Variants in PAWR observed in about 807,000 individuals in gnomAD.
The protein encoded by PAWR is PRKC apoptosis WT1 regulator protein.
In PAWR, 23 loss-of-function variants were observed where a neutral mutation model predicts 32.0. The ratio of observed to expected loss-of-function variants is 0.72; its 90% CI spans 0.52 to 1.02. The LOEUF is 1.02. PAWR is among the 50% of genes least tolerant of loss of function. PAWR has a pLI of 0.00. For missense variants in PAWR, 457 were observed against 437.7 expected (o/e 1.04, Z -0.39); for synonymous variants, 226 against 187.1 (o/e 1.21, Z -1.70).
At chr12:79,639,882 A>ATTCCTATTCCTATTCCT (rs1566014414) in intron 2 of PAWR, among the ~76,000 whole-genome samples, 1 of 42,934 alleles carries the variant, frequency 2.3e-5, no homozygotes, top group African/African-American at 2.1e-4. Flanking sequence ...TCCTATTCCT[A>ATTCCTATTCCTATTCCT]TTCCATTCCA....
intron 2 of PAWR, among the ~76,000 whole-genome samples, chr12:79,625,328 A>C (rs1875234727): frequency 6.6e-6 from 1 of 152,140 alleles, no homozygotes; most frequent in Non-Finnish European, 1.5e-5. Flanking sequence ...GAGAGAAATG[A>C]GGGGGAAAAA....
intron 2 of PAWR, among the ~76,000 whole-genome samples, chr12:79,679,712 T>C (rs901345966): frequency 2.0e-5 from 3 of 152,202 alleles, no homozygotes; most frequent in Non-Finnish European, 4.4e-5. Context: ...GAGGTTGAAA[T>C]GCAACTTAAG....
At chr12:79,647,883 A>T (rs1272421583) in intron 2 of PAWR, among the ~76,000 whole-genome samples, 2 of 152,188 alleles carry the variant, frequency 1.3e-5, no homozygotes, top group African/African-American at 2.4e-5. Flanking sequence ...GGTGCTATGG[A>T]ACACAAGACA....
chr12:79,607,306 A>T (rs899846005), intron 4 of PAWR, among the ~76,000 whole-genome samples: 7 of 152,084 alleles, frequency 4.6e-5, no homozygotes, highest in Admixed American at 2.6e-4. Flanking sequence ...AAAGAAAGAA[A>T]GAATAGATCT....
At chr12:79,648,631 A>AC (rs1876692601) in intron 2 of PAWR, among the ~76,000 whole-genome samples, 1 of 151,140 alleles carries the variant, frequency 6.6e-6, no homozygotes, top group Non-Finnish European at 1.5e-5. Context: ...AAAAAAAAAA[A>AC]AAAAAAAATT....
chr12:79,593,764 G>A (rs1289915938), intron 6 of PAWR, among the ~76,000 whole-genome samples: 3 of 143,464 alleles, frequency 2.1e-5, no homozygotes, highest in African/African-American at 7.7e-5. Flanking sequence ...GTGCAGCAGC[G>A]CAATCTTGGC....
At chr12:79,614,830 T>G (rs1467008804) in intron 3 of PAWR, among the ~76,000 whole-genome samples, 1 of 152,186 alleles carries the variant, frequency 6.6e-6, no homozygotes, top group Non-Finnish European at 1.5e-5. Context: ...GGGGAACCAG[T>G]ACAGCAAACC....
chr12:79,638,560 A>G (rs1416633370), intron 2 of PAWR, among the ~76,000 whole-genome samples: 2 of 151,788 alleles, frequency 1.3e-5, no homozygotes, highest in Non-Finnish European at 2.9e-5. Flanking sequence ...AACTAATCTC[A>G]TATTTAATTT....
At chr12:79,634,036 T>G (rs1463270329) in intron 2 of PAWR, among the ~76,000 whole-genome samples, 1 of 152,130 alleles carries the variant, frequency 6.6e-6, no homozygotes, top group Admixed American at 6.6e-5. Flanking sequence ...CAGGTAGACT[T>G]CATTATATGA....
At chr12:79,633,003 G>A (rs544942905) in intron 2 of PAWR, among the ~76,000 whole-genome samples, 11 of 152,038 alleles carry the variant, frequency 7.2e-5, no homozygotes, top group African/African-American at 2.2e-4. Context: ...GCGTAGTGGC[G>A]CATGTCTGTA....
At chr12:79,598,538 A>C (rs1168136695) in intron 4 of PAWR, among the ~76,000 whole-genome samples, 1 of 152,182 alleles carries the variant, frequency 6.6e-6, no homozygotes, top group Admixed American at 6.5e-5. Context: ...TTAAATCGAA[A>C]GTGACTTCTC....
chr12:79,616,784 C>G (rs1874759096), intron 3 of PAWR, among the ~76,000 whole-genome samples: 1 of 152,050 alleles, frequency 6.6e-6, no homozygotes, highest in South Asian at 2.1e-4. Context: ...GTATTTTCCA[C>G]ACTGCTAGCT....
chr12:79,601,322 A>G lies in PAWR; in HGVS notation c.684-4664T>C, dbSNP rs554331497. Among the ~76,000 whole-genome samples, 14 of 150,616 alleles carry G rather than the reference A, an allele frequency of 9.3e-5. No homozygotes were observed. In the East Asian group the frequency reaches 2.6e-3, roughly 28 times the overall value. On this transcript the variant is annotated intron_variant, in intron 4 of 6. Coordinates refer to ENST00000328827, the MANE Select transcript of PAWR (RefSeq NM_002583.4). ...AAATTCAAATTCCTGGGCCCAAGCA[A>G]TCCTCCCCTCAGCCTCTGGAGTAGC...
intron 2 of PAWR, among the ~76,000 whole-genome samples, chr12:79,652,845 T>C (rs1038954650): frequency 3.3e-5 from 5 of 152,234 alleles, no homozygotes; most frequent in Non-Finnish European, 7.3e-5. Context: ...TTCACATTTA[T>C]GTTCTCCATC....
intron 4 of PAWR, among the ~76,000 whole-genome samples, chr12:79,607,417 T>C (rs1874229956): frequency 6.6e-6 from 1 of 152,138 alleles, no homozygotes; most frequent in African/African-American, 2.4e-5. Context: ...AGTTTGGATT[T>C]CCCACCGTTA....
At chr12:79,668,478 T>C (rs1334457129) in intron 2 of PAWR, 1 of 152,238 alleles carries the variant, frequency 6.6e-6, no homozygotes, top group Non-Finnish European at 1.5e-5. Flanking sequence ...CCAGCCTTTT[T>C]GGCACCAGGG....
intron 4 of PAWR, among the ~76,000 whole-genome samples, chr12:79,607,741 A>AT (rs777332663): frequency 1.4e-5 from 2 of 145,834 alleles, no homozygotes; most frequent in African/African-American, 2.5e-5. Flanking sequence ...AAAAAAAAAA[A>AT]AAAATAATAA....
At chr12:79,603,358 A>G (rs1874035238) in intron 4 of PAWR, among the ~76,000 whole-genome samples, 1 of 152,166 alleles carries the variant, frequency 6.6e-6, no homozygotes, top group African/African-American at 2.4e-5. Flanking sequence ...TGGTAAAAAG[A>G]AAATCAACAG....
chr12:79,674,800 GA>G (rs202008727), intron 2 of PAWR, among the ~76,000 whole-genome samples: 1 of 151,916 alleles, frequency 6.6e-6, no homozygotes, highest in African/African-American at 2.4e-5. Flanking sequence ...ACAAGCATAT[GA>G]AAAAAATGCT....
Sources: gnomAD v4.1 joint callset for allele counts (sites outside exome capture counted in the v4.1 genomes callset) on GRCh38, gnomAD v4.1.1 for gene constraint, MANE v1.5 for transcripts, NCBI Gene and HGNC (gene_info 2026-07-23, HGNC 2026-07-21) for gene names.